DGKI: variants seen among roughly 807,000 people sequenced by gnomAD.
DGKI encodes DAG kinase iota.
Under a neutral mutation model 147.5 loss-of-function variants are expected in DGKI, and 55 were observed. The observed-to-expected ratio is 0.37, with a 90% CI of 0.30 to 0.47. The LOEUF (loss-of-function observed/expected upper bound fraction) is 0.47, where lower values mean the gene tolerates loss of function less well. Ranked by LOEUF, DGKI falls within the 20% of genes least tolerant of loss-of-function variation. DGKI has a pLI of 1.00. For synonymous variants in DGKI, 469 were observed against 477.1 expected, an observed-to-expected ratio of 0.98 and a Z score of 0.22; for missense variants, 1,007 against 1,323.8, an observed-to-expected ratio of 0.76 and a Z score of 3.71.
intron 21 of DGKI, among the ~76,000 whole-genome samples, chr7:137,517,337 AAG>A (rs1278420755): frequency 2.3e-4 from 27 of 116,788 alleles, no homozygotes; most frequent in South Asian, 6.0e-4. Context: ...GAAAGAAAGA[AAG>A]AGAAAGAAAG....
At chr7:137,391,647 A>C (rs1304805084) in intron 32 of DGKI, among the ~76,000 whole-genome samples, 1 of 152,174 alleles carries the variant, frequency 6.6e-6, no homozygotes, top group African/African-American at 2.4e-5. Context: ...CAGTATACAG[A>C]AGGAAACAGT....
chr7:137,810,175 G>A (rs1585520280), intron 1 of DGKI, among the ~76,000 whole-genome samples: 1 of 152,160 alleles, frequency 6.6e-6, no homozygotes, highest in Admixed American at 6.5e-5. Context: ...TATGACTTAG[G>A]GTTGAATTGA....
intron 32 of DGKI, among the ~76,000 whole-genome samples, chr7:137,392,352 T>A (rs2128892620): frequency 6.6e-6 from 1 of 152,330 alleles, no homozygotes; most frequent in Non-Finnish European, 1.5e-5. Context: ...TCGCTCAAAA[T>A]TTCTAATTTT....
chr7:137,494,029 C>G (rs979094455), intron 21 of DGKI, among the ~76,000 whole-genome samples: 1 of 152,088 alleles, frequency 6.6e-6, no homozygotes, highest in South Asian at 2.1e-4. Context: ...TTTCAGAATA[C>G]AACTGCAAGT....
chr7:137,723,696 T>G (rs1794632570), intron 1 of DGKI, among the ~76,000 whole-genome samples: 1 of 142,864 alleles, frequency 7.0e-6, no homozygotes, highest in African/African-American at 2.6e-5. Flanking sequence ...TATCATGATA[T>G]CCCTTTTTTT....
At chr7:137,825,728 ACACT>A (rs201354202) in intron 1 of DGKI, among the ~76,000 whole-genome samples, 1,968 of 152,050 alleles carry the variant, frequency 0.013, 43 homozygotes, top group African/African-American at 0.044. Context: ...ACACACACAC[ACACT>A]CAGTGGTAGG....
intron 23 of DGKI, among the ~76,000 whole-genome samples, chr7:137,480,283 C>T (rs937166600): frequency 3.9e-5 from 6 of 152,112 alleles, no homozygotes; most frequent in African/African-American, 1.4e-4. Flanking sequence ...TCCTCTCTCA[C>T]ACAAGATAAA....
chr7:137,682,015 G>A (rs1387403480), intron 2 of DGKI, among the ~76,000 whole-genome samples: 1 of 152,230 alleles, frequency 6.6e-6, no homozygotes, highest in Non-Finnish European at 1.5e-5. Context: ...ATAGCACATG[G>A]TTGCTGGGAG....
rs146732152 is a variant in DGKI, at chr7:137,382,256, T to C, written c.*8964A>G. 6.6e-6 allele frequency: 1 copy of C among 152,198 alleles called. No homozygotes were observed. The highest frequency in any genetic ancestry group is 2.4e-5 in the African/African-American group (1 of 41,540). 9.4% of individuals were successfully genotyped at this position (152,198 alleles called of 1,614,324 possible). On this transcript the variant is annotated 3_prime_UTR_variant, in exon 33 of 33. Coordinates refer to ENST00000614521, the MANE Select transcript of DGKI (RefSeq NM_001321708.2). ...CTATCATTTTTAAGAGGAAAATGTA[T>C]ATTTAAACCCAAAATAACAAGGTCA...
rs1365149597 is a variant in DGKI at position 137,736,390 on chromosome 7, C to T, written c.402-46388G>A. Among the ~76,000 whole-genome samples, 6 of 152,222 alleles carry T rather than the reference C, an allele frequency of 3.9e-5. No individual in the cohort carries two copies. In the East Asian group the frequency reaches 1.2e-3, roughly 29 times the overall value. ...ACCTGAATTTCAGACATGGCTCAAC[C>T]TCTTACCGTGTGACAGTGGGCAAAT... On this transcript the variant is annotated intron_variant, in intron 1 of 32. Coordinates refer to ENST00000614521, the MANE Select transcript of DGKI (RefSeq NM_001321708.2).
chr7:137,404,032 A>T (rs1352952041), intron 30 of DGKI, among the ~76,000 whole-genome samples: 1 of 152,128 alleles, frequency 6.6e-6, no homozygotes, highest in African/African-American at 2.4e-5. Flanking sequence ...ATCATTACTA[A>T]GTTAGGAGAG....
At chr7:137,709,677 A>G (rs4732264) in intron 1 of DGKI, among the ~76,000 whole-genome samples, 49,697 of 151,982 alleles carry the variant, frequency 0.33, 8,890 homozygotes, top group South Asian at 0.5. Flanking sequence ...AAGAATTCCA[A>G]AAAAGTACCA....
intron 19 of DGKI, among the ~76,000 whole-genome samples, chr7:137,553,254 T>C (rs1180478440): frequency 6.6e-6 from 1 of 152,236 alleles, no homozygotes; most frequent in Non-Finnish European, 1.5e-5. Flanking sequence ...TTTATTAACC[T>C]CTAAATTGTA....
chr7:137,540,755 ACCCCCCC>A (rs1563075627), intron 20 of DGKI, among the ~76,000 whole-genome samples: 1 of 59,736 alleles, frequency 1.7e-5, no homozygotes, highest in Non-Finnish European at 3.5e-5. Flanking sequence ...CATTTTAAAA[ACCCCCCC>A]AAAAAAAAAA....
intron 18 of DGKI, among the ~76,000 whole-genome samples, chr7:137,571,548 T>C (rs1398336425): frequency 6.6e-6 from 1 of 152,262 alleles, no homozygotes; most frequent in Non-Finnish European, 1.5e-5. Flanking sequence ...TTTCTCACTA[T>C]GATTCATGTA....
chr7:137,467,523 C>T (rs1031490200), intron 24 of DGKI, among the ~76,000 whole-genome samples: 2 of 152,116 alleles, frequency 1.3e-5, no homozygotes, highest in Non-Finnish European at 2.9e-5. Flanking sequence ...AGGCCAGAGA[C>T]CATATGTGGT....
Position 137,728,616 on chromosome 7 carries a change from G to A in DGKI, c.402-38614C>T, listed in dbSNP as rs112074210. Among the ~76,000 whole-genome samples the A allele has an allele frequency of 8.9e-3, 1,360 of 152,152 alleles. 19 individuals are homozygous for A. The highest frequency in any genetic ancestry group is 0.031 in the African/African-American group (1,286 of 41,510). ...CTCTCCAATCCAGTGGGTCCATCTG[G>A]TCTCTGCCAGTGAAACCTAACTATC... On this transcript the variant is annotated intron_variant, in intron 1 of 32. Transcript: ENST00000614521.
intron 2 of DGKI, among the ~76,000 whole-genome samples, chr7:137,686,784 C>A (rs1017472240): frequency 6.6e-6 from 1 of 152,214 alleles, no homozygotes. Context: ...CACAAACAGA[C>A]TTCTCCTCAA....
chr7:137,400,549 A>G (rs866869923), intron 30 of DGKI, among the ~76,000 whole-genome samples: 2 of 152,212 alleles, frequency 1.3e-5, no homozygotes, highest in South Asian at 2.1e-4. Flanking sequence ...GGGACAAGGA[A>G]GAAAGCTGTT....
Sources: allele counts gnomAD v4.1 joint callset (sites outside exome capture counted in the v4.1 genomes callset), GRCh38; gene constraint gnomAD v4.1.1; transcripts MANE v1.5; gene names NCBI Gene and HGNC (gene_info 2026-07-23, HGNC 2026-07-21).